ROBO2: variants seen among roughly 807,000 people sequenced by gnomAD.
ROBO2 encodes the protein roundabout guidance receptor 2.
Under a neutral mutation model 160.8 loss-of-function variants are expected in ROBO2, and 53 were observed. The observed-to-expected ratio is 0.33, with a 90% CI of 0.26 to 0.41. The LOEUF is 0.41. Among genes scored for constraint, ROBO2 ranks in the 10% least tolerant of loss-of-function variants. The probability of loss-of-function intolerance (pLI) is 1.00; values close to 1 mark genes in which losing one functional copy is unlikely to be tolerated. For synonymous variants in ROBO2, 664 were observed against 611.7 expected (o/e 1.09, Z -1.26); for missense variants, 1,577 against 1,722.4 (o/e 0.92, Z 1.49).
intron 2 of ROBO2, among the ~76,000 whole-genome samples, chr3:76,655,395 A>G (rs1343035199): frequency 1.9e-4 from 19 of 100,224 alleles, no homozygotes; most frequent in Non-Finnish European, 6.4e-5. Flanking sequence ...AAAAAAAACT[A>G]TTTGAAATAT....
chr3:76,544,392 C>T lies in ROBO2; in HGVS notation c.110-553622C>T, dbSNP rs549533883. Among the ~76,000 whole-genome samples the T allele has an allele frequency of 2.0e-5, 3 of 152,126 alleles. No homozygotes were observed. In the South Asian group the frequency reaches 6.2e-4, roughly 31 times the overall value. On this transcript the variant is annotated intron_variant, in intron 2 of 26. Coordinates refer to the ROBO2 transcript ENST00000487694. ...TATTTTGAAAGTCAAAAATAATTAA[C>T]ATGATCATTTATTTATATTAAAATG...
intron 2 of ROBO2, among the ~76,000 whole-genome samples, chr3:77,429,611 GGTT>G (rs1410867347): frequency 8.4e-5 from 8 of 94,868 alleles, no homozygotes; most frequent in Admixed American, 2.8e-4. Flanking sequence ...TAAAAAGCAG[GGTT>G]TTTTTTTTTT....
chr3:76,878,065 T>C (rs538429531), intron 2 of ROBO2, among the ~76,000 whole-genome samples: 1 of 152,286 alleles, frequency 6.6e-6, no homozygotes, highest in African/African-American at 2.4e-5. Context: ...TGCAGTGGCA[T>C]TAGGGATTAG....
At chr3:77,171,878 G>C (rs2079676115) in intron 2 of ROBO2, among the ~76,000 whole-genome samples, 1 of 152,256 alleles carries the variant, frequency 6.6e-6, no homozygotes, top group Middle Eastern at 3.4e-3. Flanking sequence ...TTAATGTGTA[G>C]AGAAACTAAT....
chr3:77,324,504 G>A (rs138758209), intron 2 of ROBO2, among the ~76,000 whole-genome samples: 75 of 152,264 alleles, frequency 4.9e-4, no homozygotes, highest in African/African-American at 1.7e-3. Flanking sequence ...CATAGGCCGG[G>A]CGCCGTGGCT....
intron 2 of ROBO2, among the ~76,000 whole-genome samples, chr3:76,717,978 T>G (rs1382346685): frequency 6.6e-6 from 1 of 152,236 alleles, no homozygotes; most frequent in Non-Finnish European, 1.5e-5. Flanking sequence ...AAATTTCAAC[T>G]GATATAAGTA....
chr3:76,932,423 A>AACAC (rs71104640), intron 2 of ROBO2, among the ~76,000 whole-genome samples: 22,857 of 150,502 alleles, frequency 0.15, 1,742 homozygotes, highest in Non-Finnish European at 0.18. Context: ...TATGTTTAGA[A>AACAC]ACACACACAC....
chr3:76,625,144 A>G (rs1413351928), intron 2 of ROBO2, among the ~76,000 whole-genome samples: 1 of 152,198 alleles, frequency 6.6e-6, no homozygotes, highest in African/African-American at 2.4e-5. Flanking sequence ...ATGATGCCAA[A>G]AAGGTGGATG....
chr3:77,366,242 A>G (rs1011022809), intron 2 of ROBO2, among the ~76,000 whole-genome samples: 2 of 152,180 alleles, frequency 1.3e-5, no homozygotes, highest in Admixed American at 1.3e-4. Flanking sequence ...GTCAGGGTGC[A>G]TCTTCTCTGC....
At chr3:77,094,520 T>A (rs532546171) in intron 1 of ROBO2, among the ~76,000 whole-genome samples, 1 of 152,200 alleles carries the variant, frequency 6.6e-6, no homozygotes, top group African/African-American at 2.4e-5. Context: ...TGTGTGGATG[T>A]ATGGTTTCAT....
At chr3:76,208,492 C>T (rs1702942383) in intron 2 of ROBO2, among the ~76,000 whole-genome samples, 1 of 152,126 alleles carries the variant, frequency 6.6e-6, no homozygotes, top group Admixed American at 6.6e-5. Context: ...AGGCACTGAG[C>T]AAGCACCGTG....
At chr3:75,960,319 A>G (rs1948865906) in intron 2 of ROBO2, among the ~76,000 whole-genome samples, 1 of 151,802 alleles carries the variant, frequency 6.6e-6, no homozygotes, top group Non-Finnish European at 1.5e-5. Flanking sequence ...ATCTATGAGT[A>G]GTTAAGTTTA....
chr3:75,973,892 G>GA (rs747293906), intron 2 of ROBO2, among the ~76,000 whole-genome samples: 4 of 151,374 alleles, frequency 2.6e-5, no homozygotes, highest in Middle Eastern at 3.4e-3. Flanking sequence ...CCCAGGGTTA[G>GA]AAAAAAATCA....
intron 1 of ROBO2, among the ~76,000 whole-genome samples, chr3:77,054,962 T>C (rs1260629775): frequency 8.4e-6 from 1 of 119,034 alleles, no homozygotes; most frequent in African/African-American, 3.3e-5. Flanking sequence ...GTGTAAAACT[T>C]GGTTAATGTG....
intron 2 of ROBO2, among the ~76,000 whole-genome samples, chr3:76,271,771 C>T (rs1475942030): frequency 6.6e-6 from 1 of 151,832 alleles, no homozygotes; most frequent in Non-Finnish European, 1.5e-5. Flanking sequence ...TCCTCACAAA[C>T]ATAAACACAC....
intron 2 of ROBO2, among the ~76,000 whole-genome samples, chr3:76,727,828 T>G (rs1408232101): frequency 6.6e-6 from 1 of 151,998 alleles, no homozygotes; most frequent in East Asian, 1.9e-4. Flanking sequence ...AAAGTTCTCG[T>G]GTTCGATGGC....
chr3:76,679,753 G>A (rs2092507811), intron 2 of ROBO2, among the ~76,000 whole-genome samples: 1 of 152,092 alleles, frequency 6.6e-6, no homozygotes, highest in African/African-American at 2.4e-5. Flanking sequence ...AATTCTTTGT[G>A]TCTTTTTATT....
intron 2 of ROBO2, among the ~76,000 whole-genome samples, chr3:76,771,420 A>C (rs755870896): frequency 2.6e-5 from 4 of 151,374 alleles, no homozygotes; most frequent in Non-Finnish European, 4.4e-5. Context: ...GCACCACTAT[A>C]AGGGTTTGGT....
intron 2 of ROBO2, among the ~76,000 whole-genome samples, chr3:76,502,589 T>C (rs1341157346): frequency 6.6e-6 from 1 of 152,212 alleles, no homozygotes; most frequent in Non-Finnish European, 1.5e-5. Flanking sequence ...TAATTTTTAA[T>C]GTTTGTGGAT....
Sources: allele counts gnomAD v4.1 joint callset (sites outside exome capture counted in the v4.1 genomes callset), GRCh38; gene constraint gnomAD v4.1.1; transcripts MANE v1.5; gene names NCBI Gene and HGNC (gene_info 2026-07-23, HGNC 2026-07-21).